The following SUSD4 variants were observed in gnomAD, a reference collection of about 807,000 sequenced individuals.
SUSD4 encodes sushi domain-containing protein 4.
SUSD4 carries 41 observed loss-of-function variants against 50.5 expected under a neutral mutation model. That is an observed-to-expected ratio of 0.81 (90% CI 0.63 to 1.05). The LOEUF (loss-of-function observed/expected upper bound fraction) is 1.05, where lower values mean the gene tolerates loss of function less well. Ranked by LOEUF, SUSD4 falls within the 50% of genes least tolerant of loss-of-function variation. The probability of loss-of-function intolerance (pLI) is 0.00; values close to 1 mark genes in which losing one functional copy is unlikely to be tolerated. For synonymous variants in SUSD4, 257 were observed against 257.3 expected, an observed-to-expected ratio of 1.00 and a Z score of 0.01; for missense variants, 580 against 634.7, an observed-to-expected ratio of 0.91 and a Z score of 0.93.
intron 2 of SUSD4, among the ~76,000 whole-genome samples, chr1:223,300,699 A>G (rs569185354): frequency 6.6e-6 from 1 of 152,250 alleles, no homozygotes; most frequent in East Asian, 1.9e-4. Flanking sequence ...ACTTAGTGAG[A>G]GGGTCCTGGG....
chr1:223,285,942 A>C (rs1050575667), intron 3 of SUSD4, among the ~76,000 whole-genome samples: 1 of 152,204 alleles, frequency 6.6e-6, no homozygotes, highest in Non-Finnish European at 1.5e-5. Flanking sequence ...CAAGACACCC[A>C]GTTTATCTAC....
chr1:223,304,061 A>C (rs763809649), intron 2 of SUSD4, among the ~76,000 whole-genome samples: 1 of 152,238 alleles, frequency 6.6e-6, no homozygotes, highest in Admixed American at 6.5e-5. Flanking sequence ...AACCCTAAAG[A>C]GGCCTAGAAG....
At chr1:223,284,850 C>G (rs574093178) in intron 3 of SUSD4, among the ~76,000 whole-genome samples, 4 of 152,122 alleles carry the variant, frequency 2.6e-5, no homozygotes, top group Middle Eastern at 6.8e-3. Flanking sequence ...AAAGAGGCTA[C>G]TAGAGGCTGG....
intron 2 of SUSD4, among the ~76,000 whole-genome samples, chr1:223,292,916 A>G (rs1664590355): frequency 6.6e-6 from 1 of 152,174 alleles, no homozygotes; most frequent in Admixed American, 6.5e-5. Context: ...AACAGACAAA[A>G]AGGATTTCAC....
At chr1:223,323,200 G>A (rs193294094) in intron 2 of SUSD4, among the ~76,000 whole-genome samples, 2 of 151,970 alleles carry the variant, frequency 1.3e-5, no homozygotes, top group Admixed American at 6.6e-5. Context: ...AGGAAGGAAG[G>A]AGGGGGATGG....
chr1:223,299,248 G>A (rs1665030886), intron 2 of SUSD4, among the ~76,000 whole-genome samples: 1 of 152,136 alleles, frequency 6.6e-6, no homozygotes, highest in Admixed American at 6.5e-5. Context: ...TAGGTGTTAG[G>A]GAAGCAGAGT....
chr1:223,256,796 A>G (rs980837169), intron 5 of SUSD4, among the ~76,000 whole-genome samples: 2 of 152,218 alleles, frequency 1.3e-5, no homozygotes, highest in African/African-American at 4.8e-5. Flanking sequence ...ACCCAGATCA[A>G]AATTTCCAGC....
In SUSD4 at chr1:223,221,967, C is replaced by A; in HGVS notation, c.*225G>T. 1 of 505,562 alleles carries A rather than the reference C, an allele frequency of 2.0e-6. No homozygotes were observed. The highest frequency in any genetic ancestry group is 3.2e-5 in the East Asian group (1 of 31,268). 31.3% of individuals were successfully genotyped at this position (505,562 alleles called of 1,614,324 possible). A position where few individuals can be genotyped will look rare whatever the true frequency, so the allele number is the denominator to read the frequency against. On this transcript the variant is annotated 3_prime_UTR_variant, in exon 9 of 9. Transcript: ENST00000366878. Reference sequence around the variant, plus strand: ...ACCACGCGAGGGCTTCCCTGCTGCCCCGGTTCCCCATGGGTCTTGGTGAAT... The same window carrying A: ...ACCACGCGAGGGCTTCCCTGCTGCCACGGTTCCCCATGGGTCTTGGTGAAT...
At chr1:223,248,005 T>C (rs532367420) in intron 5 of SUSD4, among the ~76,000 whole-genome samples, 1 of 152,228 alleles carries the variant, frequency 6.6e-6, no homozygotes, top group Non-Finnish European at 1.5e-5. Context: ...CTGTCCATTT[T>C]GGGATCAACT....
chr1:223,325,795 T>C (rs904943167), intron 2 of SUSD4, among the ~76,000 whole-genome samples: 5 of 152,158 alleles, frequency 3.3e-5, no homozygotes, highest in Admixed American at 6.5e-5. Context: ...CAACAAAACC[T>C]AGAAATATAC....
At chr1:223,326,351 C>A (rs1225856070) in intron 2 of SUSD4, among the ~76,000 whole-genome samples, 1 of 152,078 alleles carries the variant, frequency 6.6e-6, no homozygotes. Flanking sequence ...AAAACCAACT[C>A]AAGATGGATG....
intron 2 of SUSD4, among the ~76,000 whole-genome samples, chr1:223,309,339 C>A (rs2103207550): frequency 6.6e-6 from 1 of 152,264 alleles, no homozygotes; most frequent in Non-Finnish European, 1.5e-5. Flanking sequence ...CTGCTGTCTA[C>A]CTATTCATTA....
intron 5 of SUSD4, among the ~76,000 whole-genome samples, chr1:223,259,106 G>C (rs1661914555): frequency 6.6e-6 from 1 of 152,158 alleles, no homozygotes; most frequent in African/African-American, 2.4e-5. Flanking sequence ...GGGGGACAGA[G>C]ACTTTGCACA....
At chr1:223,267,571 G>A (rs112894192) in intron 4 of SUSD4, among the ~76,000 whole-genome samples, 1,838 of 152,238 alleles carry the variant, frequency 0.012, 27 homozygotes, top group African/African-American at 0.039. Flanking sequence ...CCAGGGGAGC[G>A]TGATGGTCCG....
At chr1:223,295,090 T>C (rs1228155912) in intron 2 of SUSD4, among the ~76,000 whole-genome samples, 1 of 152,142 alleles carries the variant, frequency 6.6e-6, no homozygotes, top group Non-Finnish European at 1.5e-5. Flanking sequence ...AGGCTCCCCT[T>C]ATCAACTGAC....
chr1:223,257,577 G>A (rs760181811), intron 5 of SUSD4, among the ~76,000 whole-genome samples: 21 of 152,292 alleles, frequency 1.4e-4, no homozygotes, highest in Non-Finnish European at 3.1e-4. Flanking sequence ...TTAGGAGAAA[G>A]GGAAATTGGT....
At position 223,223,629 on chromosome 1, in the gene SUSD4, C is replaced by T; in HGVS notation, c.1064G>A (p.Gly355Glu). The T allele has an allele frequency of 6.2e-7, 1 of 1,600,814 alleles. No homozygotes were observed. The highest frequency in any genetic ancestry group is 8.5e-7 in the Non-Finnish European group (1 of 1,172,348). ...TKFKAHFPPR[G>E]PPRSSSSDPD... ...GTCACTGCTGGAACTCCGGGGAGGC[C>T]CCCTGTGTAAAGGAAAGAAGTGCCA... Residue 355 changes from glycine (G) to glutamate (E), a missense_variant and splice_region_variant, in exon 8 of 9, where the codon GGG becomes GAG. Transcript: ENST00000366878.
intron 2 of SUSD4, among the ~76,000 whole-genome samples, chr1:223,353,208 G>C (rs983033957): frequency 6.6e-6 from 1 of 152,086 alleles, no homozygotes; most frequent in Non-Finnish European, 1.5e-5. Flanking sequence ...AGCTCCTCTA[G>C]CTGCCTGACA....
chr1:223,240,757 G>A (rs115382699), intron 5 of SUSD4, among the ~76,000 whole-genome samples: 1,625 of 152,146 alleles, frequency 0.011, 30 homozygotes, highest in African/African-American at 0.036. Context: ...TAAATCCACC[G>A]TTTGTGAACC....
Sources: gnomAD v4.1 joint callset for allele counts (sites outside exome capture counted in the v4.1 genomes callset) on GRCh38, gnomAD v4.1.1 for gene constraint, MANE v1.5 for transcripts, NCBI Gene and HGNC (gene_info 2026-07-23, HGNC 2026-07-21) for gene names.